The following CFAP52 variants were observed in gnomAD, a reference collection of about 807,000 sequenced individuals.
The protein encoded by CFAP52 is cilia- and flagella-associated protein 52.
Under a neutral mutation model 70.5 loss-of-function variants are expected in CFAP52, and 57 were observed. That is an observed-to-expected ratio of 0.81 (90% confidence interval 0.65 to 1.01). The LOEUF is 1.01. CFAP52 is among the 50% of genes least tolerant of loss of function. The pLI is 0.00. For synonymous variants in CFAP52, 267 were observed against 292.5 expected, an observed-to-expected ratio of 0.91 and a Z score of 0.89; for missense variants, 785 against 788.5, an observed-to-expected ratio of 1.00 and a Z score of 0.05.
intron 11 of CFAP52, 84 bp from the exon 12 acceptor site, chr17:9,638,524 CT>C: frequency 7.6e-7 from 1 of 1,317,096 alleles, no homozygotes; most frequent in Non-Finnish European, 1.1e-6. Flanking sequence ...CAAATCCCAG[CT>C]TGCACCAAAT....
chr17:9,613,801 G>A (rs567708215), intron 8 of CFAP52, among the ~76,000 whole-genome samples: 55 of 152,220 alleles, frequency 3.6e-4, no homozygotes, highest in African/African-American at 1.2e-3. Flanking sequence ...TTACAGGCGT[G>A]AGCCACTGCA....
At chr17:9,601,830 A>G (rs1909283256) in intron 6 of CFAP52, among the ~76,000 whole-genome samples, 2 of 152,190 alleles carry the variant, frequency 1.3e-5, no homozygotes, top group Non-Finnish European at 1.5e-5. Context: ...AGCTTGTACT[A>G]TGTTCTGCAC....
In CFAP52 at chr17:9,641,727, G is replaced by A. The variant is rs1177876247; in HGVS notation, c.1579G>A (p.Ala527Thr). Reference protein sequence around the residue: ...IITSGTDRKIAYWEVFDGTVI... With the variant: ...IITSGTDRKITYWEVFDGTVI... ...ATGCTTCTTTCCTGAATTCCAGATT[G>A]CTTACTGGGAAGTATTTGATGGGAC... Residue 527 changes from alanine to threonine, a missense_variant, in exon 13 of 14, where the codon GCT becomes ACT. Ala to Thr is a moderately conservative substitution (Grantham distance 58). Transcript: ENST00000352665. The A allele has an allele frequency of 8.1e-6, 13 of 1,612,062 alleles. No individual in the cohort carries two copies. The highest frequency in any genetic ancestry group is 1.1e-5 in the Non-Finnish European group (13 of 1,178,312).
chr17:9,626,065 C>T (rs370139274), intron 8 of CFAP52, among the ~76,000 whole-genome samples: 1 of 152,202 alleles, frequency 6.6e-6, no homozygotes, highest in East Asian at 1.9e-4. Context: ...AGAGAGGGAG[C>T]ACATGGGCTT....
chr17:9,640,155 G>A (rs553514049), intron 12 of CFAP52, among the ~76,000 whole-genome samples: 7 of 151,754 alleles, frequency 4.6e-5, no homozygotes, highest in Admixed American at 3.3e-4. Context: ...GCACGTTTCC[G>A]ACATGAAACA....
Position 9,613,445 on chromosome 17 carries a change from AAGACTTATATTC to A in CFAP52, c.1025+971_1025+982del, listed in dbSNP as rs1909786306. Reference sequence around the variant, plus strand: ...TAATTTATAATACTCAACTTTCAGCAAGACTTATATTCAGACCTCAGTTTTTGTTTTGTTTTG... The same window carrying A: ...TAATTTATAATACTCAACTTTCAGCAAGACCTCAGTTTTTGTTTTGTTTTG... On this transcript the variant is annotated intron_variant, in intron 8 of 13. Transcript: ENST00000352665. Among the ~76,000 whole-genome samples the A allele has an allele frequency of 2.0e-5, 3 of 151,876 alleles. No individual in the cohort carries two copies. In the South Asian group the frequency reaches 6.2e-4, roughly 32 times the overall value.
At chr17:9,589,969 C>A in intron 3 of CFAP52, 1 of 156,992 alleles carries the variant, frequency 6.4e-6, no homozygotes. Flanking sequence ...AGGTGCTCTT[C>A]ACAGTGCTTG....
chr17:9,584,357 T>A, intron 1 of CFAP52: 1 of 1,286,280 alleles, frequency 7.8e-7, no homozygotes, highest in Non-Finnish European at 1.0e-6. Flanking sequence ...GGTCCCAGGC[T>A]CTTCAGAGCA....
At chr17:9,632,260 T>C (rs1250858272) in intron 9 of CFAP52, among the ~76,000 whole-genome samples, 1 of 151,306 alleles carries the variant, frequency 6.6e-6, no homozygotes, top group Non-Finnish European at 1.5e-5. Context: ...TTTTGTTTTT[T>C]TTTTTCATAT....
rs748312304 is a variant in CFAP52, at chr17:9,600,553, CTTTGTTTG to C, written c.753+390_753+397del. On this transcript the variant is annotated intron_variant, in intron 6 of 13. Coordinates refer to ENST00000352665, the MANE Select transcript of CFAP52 (RefSeq NM_145054.5). ...CCACCATGCCCGGACAAAGCACACA[CTTTGTTTG>C]TTTGTTTGTTTGTTTGTTTTTGAGA... Among the ~76,000 whole-genome samples the C allele has an allele frequency of 9.2e-5, 14 of 152,004 alleles. No individual in the cohort carries two copies. In the South Asian group the frequency reaches 1.0e-3, roughly 11 times the overall value.
At chr17:9,638,415 G>T (rs1910904136) in intron 11 of CFAP52, among the ~76,000 whole-genome samples, 194 bp from the exon 12 acceptor site, 1 of 152,212 alleles carries the variant, frequency 6.6e-6, no homozygotes, top group African/African-American at 2.4e-5. Context: ...GGAGTACACA[G>T]AAGTAGAGAG....
At chr17:9,593,619 C>A (rs1908863417) in intron 3 of CFAP52, among the ~76,000 whole-genome samples, 1 of 152,138 alleles carries the variant, frequency 6.6e-6, no homozygotes, top group Middle Eastern at 3.4e-3. Flanking sequence ...CCACATCCAG[C>A]TAATTTTTTT....
At chr17:9,626,292 T>C (rs1437212734) in intron 8 of CFAP52, among the ~76,000 whole-genome samples, 2 of 152,206 alleles carry the variant, frequency 1.3e-5, no homozygotes, top group Non-Finnish European at 2.9e-5. Context: ...TGTAATGGCA[T>C]GATCTCAGCT....
chr17:9,632,361 A>G (rs939849861), intron 9 of CFAP52, among the ~76,000 whole-genome samples: 1 of 151,562 alleles, frequency 6.6e-6, no homozygotes, highest in Non-Finnish European at 1.5e-5. Flanking sequence ...CCCAAAGTGC[A>G]AAGTGTTGAG....
intron 8 of CFAP52, among the ~76,000 whole-genome samples, chr17:9,622,798 T>C (rs181931842): frequency 1.6e-4 from 24 of 152,232 alleles, no homozygotes; most frequent in Admixed American, 7.2e-4. Flanking sequence ...GGTAAAGCAA[T>C]AGAACATTTT....
At chr17:9,599,060 G>A (rs973873237) in intron 5 of CFAP52, among the ~76,000 whole-genome samples, 2 of 152,196 alleles carry the variant, frequency 1.3e-5, no homozygotes, top group Non-Finnish European at 2.9e-5. Context: ...TATTTTAAAT[G>A]TGGGTTTATA....
At chr17:9,613,658 C>T (rs1297673414) in intron 8 of CFAP52, among the ~76,000 whole-genome samples, 1 of 152,028 alleles carries the variant, frequency 6.6e-6, no homozygotes, top group Non-Finnish European at 1.5e-5. Context: ...GCTAGGATTA[C>T]AGGCATGCAC....
rs910356984 is a variant in CFAP52 at position 9,615,879 on chromosome 17, A to G, written c.1025+3400A>G. 3.5e-5 allele frequency among the ~76,000 whole-genome samples: 5 copies of G among 144,730 alleles called. No homozygotes were observed. In the Admixed American group the frequency reaches 3.7e-4, roughly 11 times the overall value. 94.9% of individuals were successfully genotyped at this position (144,730 alleles called of 152,430 possible). The stretch of plus-strand genomic sequence containing the variant: ...GGTTTTCAACTGCCATCCTCAAGCA[A>G]TCTTCCTACCTCGGCCTCCCAGAGC... On this transcript the variant is annotated intron_variant, in intron 8 of 13. Coordinates refer to ENST00000352665, the MANE Select transcript of CFAP52 (RefSeq NM_145054.5).
At chr17:9,580,613 C>T (rs188134133) in intron 1 of CFAP52, among the ~76,000 whole-genome samples, 7 of 150,938 alleles carry the variant, frequency 4.6e-5, no homozygotes, top group Admixed American at 2.6e-4. Flanking sequence ...CACCTGAGCC[C>T]GGGAGGTAGA....
Sources: allele counts gnomAD v4.1 joint callset (sites outside exome capture counted in the v4.1 genomes callset), GRCh38; gene constraint gnomAD v4.1.1; transcripts MANE v1.5; gene names NCBI Gene and HGNC (gene_info 2026-07-23, HGNC 2026-07-21).